The following PTPRT variants were observed in gnomAD, a reference collection of about 807,000 sequenced individuals.
PTPRT encodes the protein protein tyrosine phosphatase receptor type T.
Under a neutral mutation model 176.8 loss-of-function variants are expected in PTPRT, and 56 were observed. The observed-to-expected ratio is 0.32, with a 90% confidence interval of 0.26 to 0.40. The LOEUF (loss-of-function observed/expected upper bound fraction) is 0.40, where lower values mean the gene tolerates loss of function less well. PTPRT is among the 10% of genes least tolerant of loss of function. The probability of loss-of-function intolerance (pLI) is 1.00; values close to 1 mark genes in which losing one functional copy is unlikely to be tolerated. For missense variants in PTPRT, 1,540 were observed against 1,908.2 expected (o/e 0.81, Z 3.60); for synonymous variants, 783 against 739.0 (o/e 1.06, Z -0.96).
At chr20:42,446,889 T>C (rs1474585236) in intron 9 of PTPRT, among the ~76,000 whole-genome samples, 1 of 152,092 alleles carries the variant, frequency 6.6e-6, no homozygotes, top group East Asian at 1.9e-4. Context: ...TCCTGAGAGC[T>C]GCGCCAAGCT....
At chr20:42,254,494 A>G (rs1568712532) in intron 13 of PTPRT, among the ~76,000 whole-genome samples, 1 of 152,150 alleles carries the variant, frequency 6.6e-6, no homozygotes, top group East Asian at 1.9e-4. Flanking sequence ...AGGATTTTTC[A>G]TCTTAGGGAA....
chr20:42,656,649 T>C (rs2075130218), intron 7 of PTPRT, among the ~76,000 whole-genome samples: 1 of 152,160 alleles, frequency 6.6e-6, no homozygotes, highest in African/African-American at 2.4e-5. Context: ...GCAAGGACGG[T>C]TCCAGGAATT....
In PTPRT at chr20:42,922,774, G is replaced by A. The variant is rs74951843; in HGVS notation, c.89-36842C>T. ...GCCCCAGAAGTCACACCTCAGCCTA[G>A]ATTAGCTGAGGGTCACTCAAACGCA... On this transcript the variant is annotated intron_variant, in intron 1 of 30. Coordinates refer to ENST00000373187, the MANE Select transcript of PTPRT (RefSeq NM_007050.6). Among the ~76,000 whole-genome samples, 807 of 152,214 alleles carry A rather than the reference G, an allele frequency of 5.3e-3. 9 individuals are homozygous for A. Among genetic ancestry groups the A allele is most frequent in the African/African-American group, 0.018 (763 of 41,536 alleles).
At chr20:42,991,986 G>C (rs1188329177) in intron 1 of PTPRT, among the ~76,000 whole-genome samples, 1 of 152,068 alleles carries the variant, frequency 6.6e-6, no homozygotes, top group Non-Finnish European at 1.5e-5. Context: ...TTTGCCTGTT[G>C]AGATGAGAAT....
intron 24 of PTPRT, among the ~76,000 whole-genome samples, 163 bp downstream of exon 24, chr20:42,106,623 G>A (rs1986467713): frequency 6.6e-6 from 1 of 152,220 alleles, no homozygotes; most frequent in South Asian, 2.1e-4. Flanking sequence ...AGCTTCTACA[G>A]TAGTCTCACC....
intron 1 of PTPRT, among the ~76,000 whole-genome samples, chr20:43,148,298 A>G (rs536986569): frequency 6.6e-6 from 1 of 152,272 alleles, no homozygotes; most frequent in African/African-American, 2.4e-5. Context: ...CCAACCCTCC[A>G]TCGCATCCCT....
intron 2 of PTPRT, among the ~76,000 whole-genome samples, chr20:42,812,669 T>G (rs1371547705): frequency 6.6e-6 from 1 of 152,182 alleles, no homozygotes; most frequent in Non-Finnish European, 1.5e-5. Flanking sequence ...CATTCTACTC[T>G]TTTGAATCCC....
chr20:42,163,698 G>GTGCCTTCA (rs1474563334), intron 16 of PTPRT, among the ~76,000 whole-genome samples: 1 of 152,222 alleles, frequency 6.6e-6, no homozygotes, highest in Non-Finnish European at 1.5e-5. Flanking sequence ...GAAGGCACAT[G>GTGCCTTCA]TAGTTAAGAA....
At chr20:42,503,217 T>C (rs2071785378) in intron 7 of PTPRT, among the ~76,000 whole-genome samples, 1 of 151,736 alleles carries the variant, frequency 6.6e-6, no homozygotes. Flanking sequence ...CCTCTTTCCA[T>C]TACCCTTAGG....
At chr20:43,180,614 C>A (rs574367487) in intron 1 of PTPRT, among the ~76,000 whole-genome samples, 2 of 152,040 alleles carry the variant, frequency 1.3e-5, no homozygotes, top group Non-Finnish European at 2.9e-5. Flanking sequence ...CAGGCACACA[C>A]CATCATGCCC....
chr20:43,034,861 G>C (rs1021731399), intron 1 of PTPRT, among the ~76,000 whole-genome samples: 2 of 151,890 alleles, frequency 1.3e-5, no homozygotes, highest in East Asian at 2.0e-4. Context: ...TTGCTGGAGA[G>C]GGGGGTCCCT....
At position 43,095,365 on chromosome 20, in the gene PTPRT, G is replaced by C. The variant is rs188753601; in HGVS notation, c.88+94281C>G. Among the ~76,000 whole-genome samples the C allele has an allele frequency of 9.9e-5, 15 of 152,230 alleles. No individual in the cohort carries two copies. The East Asian group carries it at 2.7e-3, about 27-fold the overall frequency. On this transcript the variant is annotated intron_variant, in intron 1 of 30. Coordinates refer to ENST00000373187, the MANE Select transcript of PTPRT (RefSeq NM_007050.6). ...CAGTTTTACAGCTGAGAACTAAAGA[G>C]TGTGGAGGTTAAGTGACTCGTCAGA... is the stretch of plus-strand genomic sequence containing the variant.
chr20:42,288,651 A>G (rs1252076744), intron 12 of PTPRT, among the ~76,000 whole-genome samples: 1 of 152,036 alleles, frequency 6.6e-6, no homozygotes, highest in Non-Finnish European at 1.5e-5. Flanking sequence ...TTTTCTTAGG[A>G]TAATGGCTTC....
At chr20:42,772,806 T>C (rs1331819241) in intron 4 of PTPRT, among the ~76,000 whole-genome samples, 2 of 152,216 alleles carry the variant, frequency 1.3e-5, no homozygotes, top group Non-Finnish European at 2.9e-5. Context: ...AACAATAATG[T>C]CATTTACTGA....
chr20:43,174,550 C>T (rs775489842), intron 1 of PTPRT, among the ~76,000 whole-genome samples: 1 of 152,182 alleles, frequency 6.6e-6, no homozygotes, highest in Non-Finnish European at 1.5e-5. Context: ...CTGTTATTAT[C>T]GCCCATCATC....
At chr20:42,669,765 C>A (rs930573062) in intron 7 of PTPRT, among the ~76,000 whole-genome samples, 4 of 152,046 alleles carry the variant, frequency 2.6e-5, no homozygotes, top group Non-Finnish European at 5.9e-5. Context: ...GCCTGTGGGA[C>A]CCACAGGCTT....
chr20:42,611,239 C>T (rs2073970914), intron 7 of PTPRT, among the ~76,000 whole-genome samples: 1 of 152,142 alleles, frequency 6.6e-6, no homozygotes, highest in Admixed American at 6.5e-5. Flanking sequence ...TGAGGAACTC[C>T]CAAACTGCTT....
chr20:42,636,144 G>A (rs11908408), intron 7 of PTPRT, among the ~76,000 whole-genome samples: 19,030 of 152,062 alleles, frequency 0.13, 1,269 homozygotes, highest in South Asian at 0.15. Context: ...AGAAATCCTG[G>A]GGAAGGGTTG....
At chr20:42,160,558 A>G (rs1356278420) in intron 17 of PTPRT, among the ~76,000 whole-genome samples, 4 of 152,140 alleles carry the variant, frequency 2.6e-5, no homozygotes, top group African/African-American at 7.2e-5. Flanking sequence ...TGAAGACAGT[A>G]AAGAAGACTT....
Sources: allele counts gnomAD v4.1 joint callset (sites outside exome capture counted in the v4.1 genomes callset), GRCh38; gene constraint gnomAD v4.1.1; transcripts MANE v1.5; gene names NCBI Gene and HGNC (gene_info 2026-07-23, HGNC 2026-07-21).